Variants in MYOF observed in about 807,000 individuals in gnomAD.
The protein encoded by MYOF is myoferlin.
In MYOF, 244 loss-of-function variants were observed where a neutral mutation model predicts 284.2. That is an observed-to-expected ratio of 0.86 (90% confidence interval 0.77 to 0.95). The LOEUF is 0.95. Ranked by LOEUF, MYOF falls within the 40% of genes least tolerant of loss-of-function variation. The pLI, the probability that MYOF is intolerant of heterozygous loss-of-function variation, is 0.00. For synonymous variants in MYOF, 904 were observed against 919.7 expected, an observed-to-expected ratio of 0.98 and a Z score of 0.31; for missense variants, 2,496 against 2,560.6, an observed-to-expected ratio of 0.97 and a Z score of 0.54.
At chr10:93,473,416 G>A (rs774865222) in intron 1 of MYOF, among the ~76,000 whole-genome samples, 3 of 152,238 alleles carry the variant, frequency 2.0e-5, no homozygotes, top group Non-Finnish European at 2.9e-5. Context: ...TGCACGAGAC[G>A]CTGCCACTGC....
Position 93,333,308 on chromosome 10 carries a change from T to C in MYOF, c.4724A>G (p.Asp1575Gly). The C allele has an allele frequency of 6.2e-7, 1 of 1,613,574 alleles. No individual in the cohort carries two copies. Among genetic ancestry groups the C allele is most frequent in the Non-Finnish European group, 8.5e-7 (1 of 1,179,482 alleles). ...LQPQDNNGLC[D>G]PYIKITLGKK... ...GCCCAGTGTTATTTTTATGTAAGGGTCACACTGTGGGACAAAATAGACGGG... is the reference window on the plus strand; with the variant it reads ...GCCCAGTGTTATTTTTATGTAAGGGCCACACTGTGGGACAAAATAGACGGG... Residue 1575 changes from aspartate (D) to glycine (G), a missense_variant, in exon 43 of 54, where the codon GAC becomes GGC. Asp to Gly is a moderately conservative substitution (Grantham distance 94). Transcript: ENST00000359263.
intron 13 of MYOF, 81 bp from the exon 14 acceptor site, chr10:93,397,537 G>A (rs972623459): frequency 1.2e-5 from 12 of 979,002 alleles, no homozygotes; most frequent in Non-Finnish European, 1.8e-5. Context: ...ACTAGATTAT[G>A]ACTTTAGCAG....
intron 21 of MYOF, among the ~76,000 whole-genome samples, chr10:93,378,713 A>ATATATATATATATGTATG (rs1338159505): frequency 1.6e-5 from 2 of 124,934 alleles, no homozygotes; most frequent in Non-Finnish European, 3.4e-5. Flanking sequence ...ATATATATAT[A>ATATATATATATATGTATG]TATGTATATA....
intron 5 of MYOF, among the ~76,000 whole-genome samples, chr10:93,422,879 G>C (rs1848415555): frequency 6.6e-6 from 1 of 152,066 alleles, no homozygotes; most frequent in Non-Finnish European, 1.5e-5. Flanking sequence ...ATCTCTTTAA[G>C]TTTACTCTTT....
chr10:93,375,245 A>T, intron 22 of MYOF, among the ~76,000 whole-genome samples: 1 of 152,252 alleles, frequency 6.6e-6, no homozygotes, highest in East Asian at 1.9e-4. Context: ...TGGAAAGAAG[A>T]TGGAAACAGT....
At chr10:93,478,003 G>A (rs568500274) in intron 1 of MYOF, among the ~76,000 whole-genome samples, 4 of 152,290 alleles carry the variant, frequency 2.6e-5, no homozygotes, top group African/African-American at 7.2e-5. Context: ...ATTGTTCAGA[G>A]TGGTGACCCT....
rs373997810 is a variant in MYOF, at chr10:93,399,430, C to A, written c.1183G>T (p.Val395Leu). 9.9e-6 allele frequency: 16 copies of A among 1,613,610 alleles called. No homozygotes were observed. Among genetic ancestry groups the A allele is most frequent in the Non-Finnish European group, 1.4e-5 (16 of 1,179,880 alleles). ...AAGGAAACTTCTACAAAAGGATCCA[C>A]GAGATTTTTCTTATCTGCATTGCCT... ...FGGNADKKNL[V>L]DPFVEVSFAG... The change falls in exon 13 of 54, where the codon GTG (valine) becomes TTG (leucine). Residue 395 changes from valine (V) to leucine (L), a missense_variant. Physicochemically the swap from Val to Leu is conservative, Grantham distance 32. Coordinates refer to ENST00000359263, the MANE Select transcript of MYOF (RefSeq NM_013451.4).
At chr10:93,444,650 T>C (rs2056376664) in intron 3 of MYOF, among the ~76,000 whole-genome samples, 1 of 152,238 alleles carries the variant, frequency 6.6e-6, no homozygotes, top group African/African-American at 2.4e-5. Context: ...AGATTTTACA[T>C]CTATTGCAGT....
intron 4 of MYOF, among the ~76,000 whole-genome samples, chr10:93,428,583 A>G (rs1005684255): frequency 6.8e-6 from 1 of 147,586 alleles, no homozygotes; most frequent in Admixed American, 6.9e-5. Flanking sequence ...ACACACACAC[A>G]CACACACACA....
In MYOF at chr10:93,329,768, G is replaced by A; in HGVS notation, c.4878C>T (p.Asp1626=). 1 of 1,614,228 alleles carries A rather than the reference G, an allele frequency of 6.2e-7. No individual in the cohort carries two copies. The highest frequency in any genetic ancestry group is 8.5e-7 in the Non-Finnish European group (1 of 1,180,040). ...KDLKISVYDY[D]TFTRDEKVGE... ...CTACTTTTTCATCCCGGGTAAAGGT[G>A]TCATAATCATAGACAGAAATTTTCA... Residue 1626 remains aspartate, a synonymous_variant, in exon 44 of 54, where the codon GAC becomes GAT. Coordinates refer to ENST00000359263, the MANE Select transcript of MYOF (RefSeq NM_013451.4).
At chr10:93,397,529 T>C in intron 13 of MYOF, 73 bp from the exon 14 acceptor site, 2 of 1,074,120 alleles carry the variant, frequency 1.9e-6, no homozygotes, top group Non-Finnish European at 2.7e-6. Context: ...CTATGCATAC[T>C]AGATTATGAC....
chr10:93,356,007 G>GA (rs1292433002), intron 30 of MYOF, among the ~76,000 whole-genome samples: 2 of 151,884 alleles, frequency 1.3e-5, no homozygotes, highest in African/African-American at 4.8e-5. Flanking sequence ...GAAAGAAAGG[G>GA]AAAAAAAGGA....
At chr10:93,323,677 CCACAGGCAGGCACACG>C in intron 46 of MYOF, 1 of 333,182 alleles carries the variant, frequency 3.0e-6, no homozygotes, top group Non-Finnish European at 5.5e-6. Flanking sequence ...CATACACATC[CCACAGGCAGGCACACG>C]CACGTGCACA....
chr10:93,333,674 CAGAA>C, intron 42 of MYOF, 80 bp downstream of exon 42: 2 of 1,535,036 alleles, frequency 1.3e-6, no homozygotes, highest in Admixed American at 3.6e-5. Flanking sequence ...AACAGACGCC[CAGAA>C]AGAAAGAACA....
At chr10:93,377,687 T>G (rs988323682) in intron 21 of MYOF, among the ~76,000 whole-genome samples, 5 of 152,036 alleles carry the variant, frequency 3.3e-5, no homozygotes, top group African/African-American at 1.2e-4. Flanking sequence ...GTATTTTGAC[T>G]ATGTACACTT....
intron 3 of MYOF, among the ~76,000 whole-genome samples, chr10:93,450,702 A>G (rs2056565676): frequency 2.0e-5 from 3 of 152,228 alleles, no homozygotes; most frequent in African/African-American, 7.2e-5. Flanking sequence ...GTGACCACCT[A>G]CCTCAACTAA....
At chr10:93,406,570 C>CT (rs60703429) in intron 7 of MYOF, among the ~76,000 whole-genome samples, 10 of 150,226 alleles carry the variant, frequency 6.7e-5, no homozygotes, top group African/African-American at 1.7e-4. Flanking sequence ...TCCTCCCCAC[C>CT]CATCCAGTCT....
chr10:93,387,684 C>T, intron 19 of MYOF, 113 bp downstream of exon 19: 1 of 791,610 alleles, frequency 1.3e-6, no homozygotes, highest in Non-Finnish European at 2.2e-6. Context: ...GTAGAAACAT[C>T]CAGATGAGGG....
chr10:93,402,305 T>G lies in MYOF; in HGVS notation c.917A>C (p.Glu306Ala). 1 of 1,614,068 alleles carries G rather than the reference T, an allele frequency of 6.2e-7. No homozygotes were observed. The highest frequency in any genetic ancestry group is 8.5e-7 in the Non-Finnish European group (1 of 1,179,984). The change falls in exon 11 of 54, where the codon GAA (glutamate) becomes GCA (alanine). Residue 306 changes from glutamate (E) to alanine (A), a missense_variant. By Grantham distance (107) the Glu-to-Ala change is moderately radical (BLOSUM62 -1). Transcript: ENST00000359263. ...MRKWLLLNDP[E>A]DTSSGSKGYM... is the part of the protein sequence containing the mutation. ...ACCTTTAGAACCTGAACTGGTATCT[T>G]CCGGGTCATTGAGAAGAAGCCACTT... is the stretch of plus-strand genomic sequence containing the variant.
Sources: allele counts gnomAD v4.1 joint callset (sites outside exome capture counted in the v4.1 genomes callset), GRCh38; gene constraint gnomAD v4.1.1; transcripts MANE v1.5; gene names NCBI Gene and HGNC (gene_info 2026-07-23, HGNC 2026-07-21).